CPEB3: variants seen among roughly 807,000 people sequenced by gnomAD.
CPEB3 encodes cytoplasmic polyadenylation element binding protein 3.
CPEB3 carries 20 observed loss-of-function variants against 67.2 expected under a neutral mutation model. The observed-to-expected ratio is 0.30, with a 90% CI of 0.21 to 0.43. The LOEUF (loss-of-function observed/expected upper bound fraction) is 0.43. Among genes scored for constraint, CPEB3 ranks in the 20% least tolerant of loss-of-function variants. CPEB3 has a pLI of 1.00. For missense variants in CPEB3, 746 were observed against 968.6 expected (o/e 0.77, Z 3.05); for synonymous variants, 376 against 393.1 (o/e 0.96, Z 0.51).
chr10:92,110,955 C>T, intron 7 of CPEB3, 121 bp downstream of exon 7: 1 of 778,130 alleles, frequency 1.3e-6, no homozygotes, highest in Non-Finnish European at 2.3e-6. Context: ...TACTGCATAG[C>T]AAGGCCAAGC....
At chr10:92,165,836 T>C (rs1034545755) in intron 4 of CPEB3, among the ~76,000 whole-genome samples, 2 of 152,202 alleles carry the variant, frequency 1.3e-5, no homozygotes, top group African/African-American at 4.8e-5. Context: ...GTCACATCTT[T>C]AGACTCCACT....
chr10:92,101,889 CAGAG>C (rs913495029), intron 7 of CPEB3, among the ~76,000 whole-genome samples: 7 of 152,248 alleles, frequency 4.6e-5, no homozygotes, highest in Non-Finnish European at 8.8e-5. Flanking sequence ...GCCTGGGTGA[CAGAG>C]AGAGACTCTG....
At chr10:92,188,710 A>G (rs148542968) in intron 3 of CPEB3, among the ~76,000 whole-genome samples, 5 of 152,228 alleles carry the variant, frequency 3.3e-5, no homozygotes, top group African/African-American at 4.8e-5. Flanking sequence ...ACAGAGCCAG[A>G]CTCCGTCTCA....
intron 2 of CPEB3, among the ~76,000 whole-genome samples, chr10:92,194,167 C>A (rs913674067): frequency 1.3e-5 from 2 of 151,552 alleles, no homozygotes; most frequent in Non-Finnish European, 1.5e-5. Flanking sequence ...TGTGGCCAGG[C>A]GCAGTGGCTC....
chr10:92,102,342 GAAATAGAAAATCTTCATCA>G (rs1196441757), intron 7 of CPEB3, among the ~76,000 whole-genome samples: 4 of 152,270 alleles, frequency 2.6e-5, no homozygotes, highest in Middle Eastern at 3.4e-3. Flanking sequence ...TCTCCAAGTA[GAAATAGAAAATCTTCATCA>G]AAATAGCCAG....
chr10:92,083,959 G>A (rs59509997), intron 8 of CPEB3, among the ~76,000 whole-genome samples: 11,439 of 152,038 alleles, frequency 0.075, 1,435 homozygotes, highest in African/African-American at 0.26. Flanking sequence ...CAAGGTGGGC[G>A]GATCTTGAGG....
chr10:92,239,362 T>G lies in CPEB3; in HGVS notation c.989A>C (p.Asn330Thr), dbSNP rs930750888. 2.5e-6 allele frequency: 4 copies of G among 1,605,770 alleles called. No individual in the cohort carries two copies. The highest frequency in any genetic ancestry group is 3.4e-6 in the Non-Finnish European group (4 of 1,176,418). The change falls in exon 2 of 10, where the codon AAT (asparagine) becomes ACT (threonine). Residue 330 changes from asparagine (N) to threonine (T), a missense_variant. Asn to Thr is a moderately conservative substitution (Grantham distance 65). Coordinates refer to ENST00000265997, the MANE Select transcript of CPEB3 (RefSeq NM_014912.5). This position sits in a 1 kb window ranked among gnomAD's most constrained non-coding sequence, Gnocchi z 6.0. ...GAGTATTACCTGAAATGGCAACAGA[T>G]TGTTACCATTATCGGTCCGGAAAGC... is the stretch of plus-strand genomic sequence containing the variant. ...DNAFRTDNGN[N>T]LLPFQDRSRP...
rs1554921911 is a variant in CPEB3 at position 92,217,053 on chromosome 10, A to AAT, written c.1005+22292_1005+22293insAT. ...AATGCTAAGACTAAAAAAAAAAAAA[A>AAT]AAAAATTGGCTGGGCATAGTGGTAT... On this transcript the variant is annotated intron_variant, in intron 2 of 9. Coordinates refer to ENST00000265997, the MANE Select transcript of CPEB3 (RefSeq NM_014912.5). 2.0e-3 allele frequency among the ~76,000 whole-genome samples: 308 copies of AAT among 150,460 alleles called. 3 individuals are homozygous for AAT. Among genetic ancestry groups the AAT allele is most frequent in the African/African-American group, 6.6e-3 (269 of 40,836 alleles).
chr10:92,124,363 A>T (rs117253154), intron 6 of CPEB3, among the ~76,000 whole-genome samples: 5 of 152,340 alleles, frequency 3.3e-5, no homozygotes, highest in Non-Finnish European at 7.4e-5. Context: ...TGCTGAAGAG[A>T]CAAGTGTTTA....
intron 4 of CPEB3, among the ~76,000 whole-genome samples, chr10:92,177,360 A>G (rs962396813): frequency 1.3e-5 from 2 of 152,226 alleles, no homozygotes; most frequent in African/African-American, 4.8e-5. Context: ...GACAAGTGGC[A>G]GGTCTTACTG....
At chr10:92,104,786 G>C (rs1844361678) in intron 7 of CPEB3, among the ~76,000 whole-genome samples, 1 of 151,104 alleles carries the variant, frequency 6.6e-6, no homozygotes, top group African/African-American at 2.4e-5. Flanking sequence ...CAGACACCCA[G>C]GGCAAAAAAA....
At chr10:92,180,761 T>C (rs542053575) in intron 4 of CPEB3, among the ~76,000 whole-genome samples, 2 of 152,294 alleles carry the variant, frequency 1.3e-5, no homozygotes, top group African/African-American at 4.8e-5. Flanking sequence ...AGCCCTGTCA[T>C]GGGGCCTGAG....
At chr10:92,141,854 T>C (rs1368830724) in intron 6 of CPEB3, among the ~76,000 whole-genome samples, 2 of 150,472 alleles carry the variant, frequency 1.3e-5, no homozygotes, top group Non-Finnish European at 3.0e-5. Context: ...CTGTCTCTAC[T>C]AAAAATACAA....
chr10:92,203,479 T>C (rs1849627105), intron 2 of CPEB3, among the ~76,000 whole-genome samples: 1 of 146,990 alleles, frequency 6.8e-6, no homozygotes. Flanking sequence ...TGTATATATA[T>C]GTGTGTATAT....
intron 7 of CPEB3, among the ~76,000 whole-genome samples, chr10:92,100,596 T>C (rs1844133152): frequency 6.7e-6 from 1 of 150,022 alleles, no homozygotes; most frequent in Admixed American, 6.6e-5. Context: ...GTTTTTGTTT[T>C]TTTGTTTTGT....
At chr10:92,100,906 C>T (rs1844155051) in intron 7 of CPEB3, among the ~76,000 whole-genome samples, 1 of 152,130 alleles carries the variant, frequency 6.6e-6, no homozygotes, top group East Asian at 1.9e-4. Context: ...CAGTTTTTAA[C>T]ACAAACCTCA....
intron 5 of CPEB3, among the ~76,000 whole-genome samples, chr10:92,143,370 A>G (rs978688405): frequency 6.6e-6 from 1 of 152,224 alleles, no homozygotes; most frequent in Non-Finnish European, 1.5e-5. Flanking sequence ...AACTTGACAT[A>G]AAGAATTTGG....
intron 9 of CPEB3, among the ~76,000 whole-genome samples, chr10:92,053,272 A>C (rs933251484): frequency 2.6e-5 from 4 of 152,194 alleles, no homozygotes; most frequent in African/African-American, 9.7e-5. Context: ...TGCATGACTG[A>C]AAACCAAAAA....
intron 1 of CPEB3, among the ~76,000 whole-genome samples, chr10:92,278,459 C>T (rs186109767): frequency 2.6e-5 from 4 of 152,236 alleles, no homozygotes; most frequent in African/African-American, 9.6e-5. Context: ...TATTCCTAAA[C>T]ATTTTATTCT....
Sources: gnomAD v4.1 joint callset for allele counts (sites outside exome capture counted in the v4.1 genomes callset) on GRCh38, gnomAD v4.1.1 for gene constraint, Gnocchi (gnomAD v3.1) non-coding constraint, MANE v1.5 for transcripts, NCBI Gene and HGNC (gene_info 2026-07-23, HGNC 2026-07-21) for gene names.